Variants in ZDHHC14 observed in about 807,000 individuals in gnomAD.
ZDHHC14 encodes the protein zDHHC palmitoyltransferase 14.
ZDHHC14 carries 16 observed loss-of-function variants against 47.7 expected under a neutral mutation model. The ratio of observed to expected loss-of-function variants is 0.34; its 90% CI spans 0.23 to 0.51. The LOEUF (loss-of-function observed/expected upper bound fraction) is 0.51, where lower values mean the gene tolerates loss of function less well. Among genes scored for constraint, ZDHHC14 ranks in the 20% least tolerant of loss-of-function variants. The pLI is 0.97. For synonymous variants in ZDHHC14, 293 were observed against 278.9 expected (o/e 1.05, Z -0.50); for missense variants, 515 against 662.5 (o/e 0.78, Z 2.44).
intron 1 of ZDHHC14, among the ~76,000 whole-genome samples, chr6:157,527,285 C>G (rs1781192248): frequency 1.3e-5 from 2 of 152,180 alleles, no homozygotes; most frequent in African/African-American, 4.8e-5. Context: ...TCCAGGAGCT[C>G]CCCAGCTCCT....
chr6:157,669,931 A>C (rs1778719314), intron 8 of ZDHHC14, among the ~76,000 whole-genome samples: 1 of 152,242 alleles, frequency 6.6e-6, no homozygotes, highest in African/African-American at 2.4e-5. Context: ...GATGTTCATA[A>C]AACATTCTTT....
intron 1 of ZDHHC14, among the ~76,000 whole-genome samples, chr6:157,466,492 T>A (rs1020199012): frequency 2.0e-5 from 3 of 152,196 alleles, no homozygotes; most frequent in Non-Finnish European, 4.4e-5. Flanking sequence ...ATTTAAAAAA[T>A]TGAATTAGTT....
chr6:157,524,862 T>C (rs747527469), intron 1 of ZDHHC14, among the ~76,000 whole-genome samples: 7 of 152,242 alleles, frequency 4.6e-5, no homozygotes, highest in Non-Finnish European at 7.3e-5. Context: ...TTTGTTTAGT[T>C]TGTGCCTGAC....
intron 2 of ZDHHC14, among the ~76,000 whole-genome samples, chr6:157,557,917 T>C (rs941714847): frequency 6.6e-5 from 10 of 152,188 alleles, no homozygotes; most frequent in Non-Finnish European, 1.3e-4. Context: ...TGAATGATTT[T>C]GATTGGCCAA....
At chr6:157,489,880 T>C (rs1325456960) in intron 1 of ZDHHC14, among the ~76,000 whole-genome samples, 1 of 152,056 alleles carries the variant, frequency 6.6e-6, no homozygotes, top group African/African-American at 2.4e-5. Context: ...TGTGTGGCAT[T>C]AGAAGCTCGC....
intron 1 of ZDHHC14, among the ~76,000 whole-genome samples, chr6:157,457,592 C>T (rs1220360906): frequency 6.6e-6 from 1 of 152,146 alleles, no homozygotes; most frequent in Non-Finnish European, 1.5e-5. Context: ...TATACCACTG[C>T]TTTTTTCATA....
intron 3 of ZDHHC14, among the ~76,000 whole-genome samples, chr6:157,622,789 G>A (rs924536929): frequency 2.0e-5 from 3 of 152,094 alleles, no homozygotes; most frequent in African/African-American, 4.8e-5. Context: ...TTTTGCCCGC[G>A]TTTGCCAGTG....
At chr6:157,485,130 A>G (rs1779747162) in intron 1 of ZDHHC14, among the ~76,000 whole-genome samples, 1 of 152,076 alleles carries the variant, frequency 6.6e-6, no homozygotes, top group African/African-American at 2.4e-5. Flanking sequence ...AATAAAATAA[A>G]ATTAGGTAGA....
At chr6:157,514,000 C>T (rs1377389002) in intron 1 of ZDHHC14, among the ~76,000 whole-genome samples, 1 of 152,146 alleles carries the variant, frequency 6.6e-6, no homozygotes, top group Non-Finnish European at 1.5e-5. Flanking sequence ...CACTGTGACA[C>T]GCCATCCACA....
chr6:157,448,183 CAT>C, intron 1 of ZDHHC14, among the ~76,000 whole-genome samples: 1 of 152,256 alleles, frequency 6.6e-6, no homozygotes, highest in Non-Finnish European at 1.5e-5. Context: ...TTGCCTAAAA[CAT>C]GTTTTTATTT....
chr6:157,472,037 G>C (rs1159794553), intron 1 of ZDHHC14, among the ~76,000 whole-genome samples: 2 of 152,156 alleles, frequency 1.3e-5, no homozygotes, highest in Non-Finnish European at 2.9e-5. Flanking sequence ...AGGAAGAGCA[G>C]TCCTGGCACC....
intron 1 of ZDHHC14, among the ~76,000 whole-genome samples, chr6:157,405,745 T>C (rs1029324939): frequency 6.6e-6 from 1 of 152,232 alleles, no homozygotes; most frequent in Admixed American, 6.5e-5. Flanking sequence ...TTTATTATAA[T>C]TGACTAACTG....
At chr6:157,426,589 G>A (rs113831600) in intron 1 of ZDHHC14, among the ~76,000 whole-genome samples, 1,710 of 152,260 alleles carry the variant, frequency 0.011, 39 homozygotes, top group African/African-American at 0.04. Context: ...AGAGAGGGTA[G>A]CCTGGTGCTT....
At chr6:157,425,577 C>T (rs1229297628) in intron 1 of ZDHHC14, among the ~76,000 whole-genome samples, 2 of 152,216 alleles carry the variant, frequency 1.3e-5, no homozygotes, top group African/African-American at 2.4e-5. Flanking sequence ...GTTGCGATAT[C>T]TGCATTTTAT....
intron 4 of ZDHHC14, chr6:157,629,672 A>G (rs914638463): frequency 1.8e-4 from 28 of 152,178 alleles, no homozygotes; most frequent in African/African-American, 6.5e-4. Context: ...TCTTTCATCC[A>G]AACGTGACAC....
rs1465017016 is a variant in ZDHHC14, at chr6:157,677,299, T to C, written c.*4177T>C. On this transcript the variant is annotated 3_prime_UTR_variant, in exon 9 of 9. Transcript: ENST00000359775. ...TGTTCCCTTAAAACGTCTCTCTCTC[T>C]CATAAAACTAAGTTATCATTGAAAT... is the stretch of plus-strand genomic sequence containing the variant. The C allele has an allele frequency of 6.7e-6, 1 of 149,924 alleles. No individual in the cohort carries two copies. Among genetic ancestry groups the C allele is most frequent in the Non-Finnish European group, 1.5e-5 (1 of 67,584 alleles). 9.3% of individuals were successfully genotyped at this position (149,924 alleles called of 1,614,324 possible). A position where few individuals can be genotyped will look rare whatever the true frequency, so the allele number is the denominator to read the frequency against.
At chr6:157,605,019 G>A (rs950055700) in intron 3 of ZDHHC14, among the ~76,000 whole-genome samples, 2 of 152,238 alleles carry the variant, frequency 1.3e-5, no homozygotes, top group Non-Finnish European at 2.9e-5. Flanking sequence ...TGATCCAGCT[G>A]CTCTCTGTTG....
At chr6:157,421,492 C>CAAAAAAAAAAA in intron 1 of ZDHHC14, among the ~76,000 whole-genome samples, 1 of 56,706 alleles carries the variant, frequency 1.8e-5, no homozygotes, top group Non-Finnish European at 3.0e-5. Context: ...GACTCCGTCT[C>CAAAAAAAAAAA]AAAAAAAAAA....
At chr6:157,668,952 T>C (rs1205426701) in intron 8 of ZDHHC14, among the ~76,000 whole-genome samples, 4 of 152,132 alleles carry the variant, frequency 2.6e-5, no homozygotes, top group Non-Finnish European at 4.4e-5. Context: ...AACCATGCCA[T>C]GGGAGACCTC....
Sources: allele counts gnomAD v4.1 joint callset (sites outside exome capture counted in the v4.1 genomes callset), GRCh38; gene constraint gnomAD v4.1.1; transcripts MANE v1.5; gene names NCBI Gene and HGNC (gene_info 2026-07-23, HGNC 2026-07-21).